The following HPSE2 variants were observed in gnomAD, a reference collection of about 807,000 sequenced individuals.
The protein encoded by HPSE2 is heparanase 2 (inactive), also known as inactive heparanase-2.
In HPSE2, 38 loss-of-function variants were observed where a neutral mutation model predicts 60.5. The ratio of observed to expected loss-of-function variants is 0.63; its 90% CI spans 0.48 to 0.82. The LOEUF (loss-of-function observed/expected upper bound fraction) is 0.82. Ranked by LOEUF, HPSE2 falls within the 40% of genes least tolerant of loss-of-function variation. HPSE2 has a pLI of 0.00. For synonymous variants in HPSE2, 295 were observed against 293.2 expected (o/e 1.01, Z -0.06); for missense variants, 713 against 740.4 (o/e 0.96, Z 0.43).
At chr10:98,572,210 G>A (rs1230199248) in intron 9 of HPSE2, among the ~76,000 whole-genome samples, 1 of 152,076 alleles carries the variant, frequency 6.6e-6, no homozygotes. Flanking sequence ...AAAGTGCTGG[G>A]ATTACAGGCG....
chr10:98,559,350 A>C (rs550758982), intron 9 of HPSE2, among the ~76,000 whole-genome samples: 1 of 152,042 alleles, frequency 6.6e-6, no homozygotes, highest in African/African-American at 2.4e-5. Context: ...TCTTTAACTC[A>C]GTTCTGAGTC....
chr10:99,268,488 A>T, the HPSE2 span, among the ~76,000 whole-genome samples: 1 of 151,304 alleles, frequency 6.6e-6, no homozygotes, highest in Non-Finnish European at 1.5e-5. Flanking sequence ...CTAAAAAAAT[A>T]TACAAAAATT....
intron 9 of HPSE2, among the ~76,000 whole-genome samples, chr10:98,605,298 T>C (rs1048031289): frequency 6.6e-6 from 1 of 152,190 alleles, no homozygotes. Flanking sequence ...TACACATCCA[T>C]CATCTATTAA....
intron 6 of HPSE2, among the ~76,000 whole-genome samples, chr10:98,655,271 T>C (rs1176578322): frequency 6.6e-6 from 1 of 152,022 alleles, no homozygotes. Flanking sequence ...TATTTCACAA[T>C]GATTTACTCT....
chr10:98,519,100 A>G (rs4917837), intron 9 of HPSE2, among the ~76,000 whole-genome samples: 116,861 of 152,192 alleles, frequency 0.77, 49,488 homozygotes, highest in East Asian at 0.96. Context: ...TGTATGTGCC[A>G]GAAAGTCTCA....
At chr10:98,873,548 T>C (rs574483708) in intron 3 of HPSE2, among the ~76,000 whole-genome samples, 8 of 152,230 alleles carry the variant, frequency 5.3e-5, no homozygotes, top group African/African-American at 1.9e-4. Flanking sequence ...CATTCCTTTT[T>C]ATGCATCGAA....
At chr10:99,153,984 A>C (rs1204463543) in intron 2 of HPSE2, among the ~76,000 whole-genome samples, 10 of 152,314 alleles carry the variant, frequency 6.6e-5, no homozygotes, top group Admixed American at 2.0e-4. Flanking sequence ...ATGCGATCAA[A>C]TGGAAGAAAG....
intron 3 of HPSE2, among the ~76,000 whole-genome samples, chr10:98,934,430 T>C (rs1954732209): frequency 6.9e-6 from 1 of 144,682 alleles, no homozygotes; most frequent in African/African-American, 2.8e-5. Context: ...TTCTTATCCA[T>C]GTTTAGTGCT....
At chr10:98,727,239 T>G (rs965786676) in intron 4 of HPSE2, among the ~76,000 whole-genome samples, 1 of 152,080 alleles carries the variant, frequency 6.6e-6, no homozygotes, top group Admixed American at 6.6e-5. Flanking sequence ...AAAAAAGCTA[T>G]TATACATGAA....
chr10:98,681,069 T>G (rs1245559650), intron 6 of HPSE2, among the ~76,000 whole-genome samples: 1 of 37,138 alleles, frequency 2.7e-5, no homozygotes, highest in Non-Finnish European at 8.2e-5. Context: ...TGTCCCTGAA[T>G]TGGTCATTTT....
intron 3 of HPSE2, among the ~76,000 whole-genome samples, chr10:99,028,622 T>C (rs1187949741): frequency 6.6e-6 from 1 of 151,932 alleles, no homozygotes; most frequent in Non-Finnish European, 1.5e-5. Flanking sequence ...TTCACAGAAA[T>C]AGAAAAAACA....
chr10:98,581,994 G>A (rs1008667464), intron 9 of HPSE2, among the ~76,000 whole-genome samples: 3 of 152,152 alleles, frequency 2.0e-5, no homozygotes, highest in African/African-American at 4.8e-5. Context: ...GAATGAATTT[G>A]TGACTGTGTG....
chr10:98,967,484 A>G (rs932239324), intron 3 of HPSE2, among the ~76,000 whole-genome samples: 2 of 152,172 alleles, frequency 1.3e-5, no homozygotes, highest in Admixed American at 6.5e-5. Context: ...CTTTCTGGGA[A>G]AGTCTGAGGA....
At chr10:98,958,069 C>T (rs1166083778) in intron 3 of HPSE2, among the ~76,000 whole-genome samples, 1 of 152,038 alleles carries the variant, frequency 6.6e-6, no homozygotes, top group African/African-American at 2.4e-5. Flanking sequence ...ACTGATCTTC[C>T]AGAAAGTTCA....
intron 4 of HPSE2, among the ~76,000 whole-genome samples, chr10:98,739,405 G>A (rs1949439365): frequency 6.6e-6 from 1 of 150,738 alleles, no homozygotes; most frequent in African/African-American, 2.4e-5. Context: ...AACCACCATG[G>A]CACATGTATA....
At chr10:98,997,466 C>A (rs1272881973) in intron 3 of HPSE2, among the ~76,000 whole-genome samples, 2 of 152,062 alleles carry the variant, frequency 1.3e-5, no homozygotes, top group African/African-American at 2.4e-5. Context: ...ATCTTAGAGG[C>A]CTTTGATTAG....
intron 5 of HPSE2, among the ~76,000 whole-genome samples, chr10:98,703,201 T>C (rs11596843): frequency 0.19 from 28,247 of 152,066 alleles, 3,038 homozygotes; most frequent in East Asian, 0.39. Flanking sequence ...GATACATTCC[T>C]GGAAACATAT....
At chr10:99,123,671 C>T (rs1419585165) in intron 3 of HPSE2, among the ~76,000 whole-genome samples, 1 of 152,158 alleles carries the variant, frequency 6.6e-6, no homozygotes, top group African/African-American at 2.4e-5. Context: ...CAAAGAGTTG[C>T]TTTATTGAGT....
At chr10:98,498,536 A>G (rs1213387337) in intron 9 of HPSE2, among the ~76,000 whole-genome samples, 1 of 152,160 alleles carries the variant, frequency 6.6e-6, no homozygotes, top group Non-Finnish European at 1.5e-5. Flanking sequence ...GACAGAGCCT[A>G]CCCAAATGAG....
Sources: gnomAD v4.1 joint callset for allele counts (sites outside exome capture counted in the v4.1 genomes callset) on GRCh38, gnomAD v4.1.1 for gene constraint, MANE v1.5 for transcripts, NCBI Gene and HGNC (gene_info 2026-07-23, HGNC 2026-07-21) for gene names.